The following ENTREP2 variants were observed in gnomAD, a reference collection of about 807,000 sequenced individuals.
The protein encoded by ENTREP2 is protein ENTREP2.
chr15:29,148,908 G>T, the ENTREP2 span, among the ~76,000 whole-genome samples: 1 of 149,434 alleles, frequency 6.7e-6, no homozygotes, highest in African/African-American at 2.5e-5. Flanking sequence ...TCTCAATCTC[G>T]CTCTGTCGCC....
chr15:29,269,637 A>G, the ENTREP2 span: 1 of 1,574,592 alleles, frequency 6.4e-7, no homozygotes. Flanking sequence ...GGTTTCCGCT[A>G]TGGCTCCAGT....
chr15:29,536,528 CGGGAGGCAGA>C, the ENTREP2 span, among the ~76,000 whole-genome samples: 3 of 150,506 alleles, frequency 2.0e-5, no homozygotes, highest in Non-Finnish European at 2.9e-5. Context: ...CGCTTGAACC[CGGGAGGCAGA>C]GGTTGCAGTG....
At chr15:29,281,988 C>T in the ENTREP2 span, among the ~76,000 whole-genome samples, 16 of 152,254 alleles carry the variant, frequency 1.1e-4, no homozygotes, top group Admixed American at 1.0e-3. Context: ...TACCTGGGAC[C>T]TGAGAAAGGG....
the ENTREP2 span, among the ~76,000 whole-genome samples, chr15:29,611,927 TC>T: frequency 6.6e-6 from 1 of 152,200 alleles, no homozygotes; most frequent in Admixed American, 6.5e-5. Context: ...TCGCTGCACC[TC>T]CACTCCTTCA....
At chr15:29,269,587 C>T in the ENTREP2 span, 2 of 1,547,418 alleles carry the variant, frequency 1.3e-6, no homozygotes, top group Non-Finnish European at 1.7e-6. Context: ...AAAGCCGTCT[C>T]TGAGAACCCG....
At chr15:29,306,664 A>ATTTTTTTTTTTTTTTTTTTTTTTTTTT in the ENTREP2 span, among the ~76,000 whole-genome samples, 5 of 77,276 alleles carry the variant, frequency 6.5e-5, no homozygotes, top group Non-Finnish European at 1.4e-4. Context: ...ATAATTGGTA[A>ATTTTTTTTTTTTTTTTTTTTTTTTTTT]TTTTTTTTTT....
chr15:29,132,871 G>C, the ENTREP2 span, among the ~76,000 whole-genome samples: 5 of 152,114 alleles, frequency 3.3e-5, no homozygotes, highest in African/African-American at 1.2e-4. Flanking sequence ...AAGGGGCAGG[G>C]AGAACCGGGA....
the ENTREP2 span, among the ~76,000 whole-genome samples, chr15:29,651,281 T>A: frequency 1.3e-5 from 2 of 152,204 alleles, no homozygotes; most frequent in South Asian, 2.1e-4. Flanking sequence ...AAACTAGATT[T>A]TCAAAAACTT....
At chr15:29,160,215 C>A in the ENTREP2 span, among the ~76,000 whole-genome samples, 1 of 152,242 alleles carries the variant, frequency 6.6e-6, no homozygotes, top group Non-Finnish European at 1.5e-5. Context: ...CTCCTGCTGG[C>A]CTGCAAGTAC....
the ENTREP2 span, among the ~76,000 whole-genome samples, chr15:29,358,889 G>T: frequency 6.6e-6 from 1 of 152,110 alleles, no homozygotes; most frequent in African/African-American, 2.4e-5. Flanking sequence ...ATTTCTATAA[G>T]ATATGTACCT....
chr15:29,264,116 A>G, the ENTREP2 span, among the ~76,000 whole-genome samples: 3,875 of 96,326 alleles, frequency 0.04, 70 homozygotes, highest in Non-Finnish European at 0.059. Context: ...GATTGCACCA[A>G]TCCACTACAG....
the ENTREP2 span, among the ~76,000 whole-genome samples, chr15:29,616,767 CAGAGAT>C: frequency 6.6e-6 from 1 of 152,130 alleles, no homozygotes; most frequent in Non-Finnish European, 1.5e-5. Flanking sequence ...ATAGGCTATA[CAGAGAT>C]AAATAAGAGG....
the ENTREP2 span, among the ~76,000 whole-genome samples, chr15:29,380,534 A>G: frequency 6.6e-6 from 1 of 152,204 alleles, no homozygotes; most frequent in Non-Finnish European, 1.5e-5. Context: ...ACACAGACAC[A>G]TACATATATT....
chr15:29,439,716 C>T, the ENTREP2 span, among the ~76,000 whole-genome samples: 1 of 152,292 alleles, frequency 6.6e-6, no homozygotes, highest in East Asian at 1.9e-4. Context: ...ATGGCTTTAA[C>T]TCACGTCCAC....
At chr15:29,121,688 T>C in the ENTREP2 span, 4 of 152,248 alleles carry the variant, frequency 2.6e-5, no homozygotes, top group South Asian at 2.1e-4. Flanking sequence ...AATTCATCTC[T>C]AGTACGTCTC....
At chr15:29,655,064 A>G in the ENTREP2 span, among the ~76,000 whole-genome samples, 1 of 152,068 alleles carries the variant, frequency 6.6e-6, no homozygotes, top group African/African-American at 2.4e-5. Flanking sequence ...ATCTCAACAA[A>G]CATCAAATGA....
chr15:29,484,980 G>A, the ENTREP2 span, among the ~76,000 whole-genome samples: 1 of 152,148 alleles, frequency 6.6e-6, no homozygotes, highest in Admixed American at 6.6e-5. Context: ...TTTGAAGCAT[G>A]AAAGCTTTAA....
chr15:29,348,461 T>C, the ENTREP2 span, among the ~76,000 whole-genome samples: 3 of 151,918 alleles, frequency 2.0e-5, no homozygotes, highest in African/African-American at 7.3e-5. Context: ...TGTGGAGGCG[T>C]GTGGCTGGAG....
chr15:29,496,039 A>G, the ENTREP2 span, among the ~76,000 whole-genome samples: 14 of 152,216 alleles, frequency 9.2e-5, no homozygotes, highest in Non-Finnish European at 1.8e-4. Flanking sequence ...TGATCCATGA[A>G]CATGGGATAT....
Sources: gnomAD v4.1 joint callset for allele counts (sites outside exome capture counted in the v4.1 genomes callset) on GRCh38, gnomAD v4.1.1 for gene constraint, MANE v1.5 for transcripts, NCBI Gene and HGNC (gene_info 2026-07-23, HGNC 2026-07-21) for gene names.